ZNF599: variants seen among roughly 807,000 people sequenced by gnomAD.
ZNF599 encodes zinc finger protein 599.
ZNF599 carries 10 observed loss-of-function variants against 11.7 expected under a neutral mutation model. That is an observed-to-expected ratio of 0.86 (90% CI 0.53 to 1.45). The LOEUF (loss-of-function observed/expected upper bound fraction) is 1.45, where lower values mean the gene tolerates loss of function less well. ZNF599 is among the 40% of genes most tolerant of loss of function. The pLI is 0.00. For missense variants in ZNF599, 688 were observed against 713.6 expected, an observed-to-expected ratio of 0.96 and a Z score of 0.41; for synonymous variants, 232 against 253.2, an observed-to-expected ratio of 0.92 and a Z score of 0.79.
upstream of ZNF599, among the ~76,000 whole-genome samples, chr19:34,775,388 G>A (rs1568496477): frequency 1.3e-5 from 2 of 152,178 alleles, no homozygotes; most frequent in Admixed American, 6.5e-5. Flanking sequence ...GAAAAAATCA[G>A]CTACAAAATA....
At chr19:34,797,774 T>C in the ZNF599 span, among the ~76,000 whole-genome samples, 3 of 152,218 alleles carry the variant, frequency 2.0e-5, no homozygotes, top group African/African-American at 7.2e-5. Context: ...GTAGTAATAA[T>C]TGCAGCAAAA....
the ZNF599 span, among the ~76,000 whole-genome samples, chr19:34,783,630 A>G: frequency 1.3e-5 from 2 of 152,190 alleles, no homozygotes; most frequent in African/African-American, 4.8e-5. Context: ...AGGATGAGCA[A>G]GCCCCCAATA....
the ZNF599 span, among the ~76,000 whole-genome samples, chr19:34,801,196 C>A: frequency 3.3e-5 from 5 of 152,224 alleles, no homozygotes; most frequent in Non-Finnish European, 7.3e-5. Flanking sequence ...ACCTCATACT[C>A]TTCCACTATC....
chr19:34,778,902 A>G, the ZNF599 span, among the ~76,000 whole-genome samples: 5 of 152,238 alleles, frequency 3.3e-5, no homozygotes, highest in Non-Finnish European at 7.3e-5. Flanking sequence ...ACAAAAGTAG[A>G]TATATGGGTG....
chr19:34,783,689 C>T, the ZNF599 span, among the ~76,000 whole-genome samples: 1 of 152,156 alleles, frequency 6.6e-6, no homozygotes, highest in African/African-American at 2.4e-5. Context: ...AAAACATCCC[C>T]TTGTGATCAA....
chr19:34,760,619 A>T, intron 3 of ZNF599, 60 bp from the exon 4 acceptor site: 1 of 1,412,176 alleles, frequency 7.1e-7, no homozygotes, highest in South Asian at 1.4e-5. Flanking sequence ...AACAAACAAA[A>T]TCACCACTTT....
chr19:34,777,952 A>T (rs182598185), upstream of ZNF599, among the ~76,000 whole-genome samples: 35 of 152,210 alleles, frequency 2.3e-4, no homozygotes, highest in African/African-American at 8.4e-4. Flanking sequence ...TTAAGAGAGC[A>T]GATGTCAAGT....
chr19:34,782,032 G>C, the ZNF599 span, among the ~76,000 whole-genome samples: 1 of 152,180 alleles, frequency 6.6e-6, no homozygotes, highest in East Asian at 1.9e-4. Context: ...CCCAAACAAT[G>C]GTGAACAGGG....
upstream of ZNF599, among the ~76,000 whole-genome samples, chr19:34,775,806 G>A (rs1330724078): frequency 6.6e-6 from 1 of 152,120 alleles, no homozygotes; most frequent in Non-Finnish European, 1.5e-5. Context: ...CATTGCTGAG[G>A]TGTGTCAACA....
chr19:34,796,194 G>A, the ZNF599 span, among the ~76,000 whole-genome samples: 1 of 148,192 alleles, frequency 6.7e-6, no homozygotes, highest in Non-Finnish European at 1.5e-5. Context: ...TCCTCCTCTT[G>A]TGCCTGAGGG....
chr19:34,798,189 C>G, the ZNF599 span, among the ~76,000 whole-genome samples: 1 of 152,210 alleles, frequency 6.6e-6, no homozygotes, highest in Non-Finnish European at 1.5e-5. Flanking sequence ...AGCATTTCAT[C>G]TTTTATTCCA....
At chr19:34,783,224 A>G in the ZNF599 span, among the ~76,000 whole-genome samples, 3 of 152,220 alleles carry the variant, frequency 2.0e-5, no homozygotes, top group Non-Finnish European at 4.4e-5. Context: ...AGATCCCAAG[A>G]AGAGGGGCCA....
At position 34,767,410 on chromosome 19, in the gene ZNF599, C is replaced by A. The variant is rs147712651; in HGVS notation, c.147G>T (p.Gly49=). The change falls in exon 3 of 4, where the codon GGG becomes GGT. Residue 49 remains glycine, a splice_region_variant and synonymous_variant. Transcript: ENST00000329285. The stretch of plus-strand genomic sequence containing the variant: ...TCAGCTCTGGTTTGGGAACAGGATG[C>A]CCTGTGCATGGAGAAACAAATGGAG... ...LETCRLLVSL[G]HPVPKPELIY... The A allele has an allele frequency of 6.2e-7, 1 of 1,612,984 alleles. No individual in the cohort carries two copies. The highest frequency in any genetic ancestry group is 1.7e-5 in the Admixed American group (1 of 60,010).
At chr19:34,771,618 G>A (rs2069184485) in intron 1 of ZNF599, among the ~76,000 whole-genome samples, 1 of 152,190 alleles carries the variant, frequency 6.6e-6, no homozygotes, top group South Asian at 2.1e-4. Context: ...CTTGGCATGT[G>A]CAGGAGAGAA....
intron 1 of ZNF599, chr19:34,772,449 C>A: frequency 9.1e-7 from 1 of 1,096,094 alleles, no homozygotes; most frequent in Non-Finnish European, 1.1e-6. Context: ...TCAAAGACGG[C>A]ACCTAGAGTG....
chr19:34,804,980 T>C, the ZNF599 span, among the ~76,000 whole-genome samples: 1 of 152,314 alleles, frequency 6.6e-6, no homozygotes, highest in South Asian at 2.1e-4. Context: ...CACTATCCTA[T>C]AAAATCTCAA....
chr19:34,802,263 A>G, the ZNF599 span, among the ~76,000 whole-genome samples: 1 of 152,210 alleles, frequency 6.6e-6, no homozygotes, highest in Non-Finnish European at 1.5e-5. Context: ...TTGTGAACTC[A>G]TAGTTTTCAA....
the ZNF599 span, among the ~76,000 whole-genome samples, chr19:34,791,254 G>A: frequency 1.3e-5 from 2 of 152,166 alleles, no homozygotes; most frequent in Non-Finnish European, 2.9e-5. Context: ...AGTGGCAACA[G>A]CAATGTATGG....
the ZNF599 span, among the ~76,000 whole-genome samples, chr19:34,780,920 G>A: frequency 5.9e-5 from 9 of 152,184 alleles, no homozygotes; most frequent in Non-Finnish European, 1.3e-4. Flanking sequence ...ACTTTGGGAG[G>A]CCGAGGCAGG....
Sources: allele counts gnomAD v4.1 joint callset (sites outside exome capture counted in the v4.1 genomes callset), GRCh38; gene constraint gnomAD v4.1.1; transcripts MANE v1.5; gene names NCBI Gene and HGNC (gene_info 2026-07-23, HGNC 2026-07-21).